TSPAN14: variants seen among roughly 807,000 people sequenced by gnomAD.
The protein encoded by TSPAN14 is tetraspanin 14.
In TSPAN14, 16 loss-of-function variants were observed where a neutral mutation model predicts 36.6. That is an observed-to-expected ratio of 0.44 (90% CI 0.30 to 0.66). The LOEUF is 0.66. Among genes scored for constraint, TSPAN14 ranks in the 30% least tolerant of loss-of-function variants. TSPAN14 has a pLI of 0.12. For synonymous variants in TSPAN14, 139 were observed against 143.8 expected (o/e 0.97, Z 0.24); for missense variants, 231 against 355.1 (o/e 0.65, Z 2.81).
intron 2 of TSPAN14, among the ~76,000 whole-genome samples, chr10:80,499,824 G>C (rs1427581722): frequency 6.6e-6 from 1 of 152,190 alleles, no homozygotes; most frequent in Admixed American, 6.5e-5. Flanking sequence ...GTGCTCGCTG[G>C]TCCAGCAGAG....
At chr10:80,466,337 C>T (rs1210312315) in intron 1 of TSPAN14, 1 of 152,060 alleles carries the variant, frequency 6.6e-6, no homozygotes, top group East Asian at 1.9e-4. Context: ...TAGTGTAGCC[C>T]CCACCTCCCA....
intron 5 of TSPAN14, among the ~76,000 whole-genome samples, chr10:80,510,720 A>G (rs934744648): frequency 6.6e-6 from 1 of 152,050 alleles, no homozygotes; most frequent in African/African-American, 2.4e-5. Flanking sequence ...TAAAAATACA[A>G]AAAATTAGTG....
intron 2 of TSPAN14, among the ~76,000 whole-genome samples, chr10:80,494,393 G>A (rs895990070): frequency 1.3e-5 from 2 of 152,182 alleles, no homozygotes; most frequent in Non-Finnish European, 2.9e-5. Flanking sequence ...AGAGTCTTGC[G>A]AATTTTGCCA....
intron 1 of TSPAN14, among the ~76,000 whole-genome samples, chr10:80,482,584 G>A (rs1035413682): frequency 2.7e-5 from 4 of 150,564 alleles, no homozygotes; most frequent in African/African-American, 7.5e-5. Flanking sequence ...CACTGTGCCC[G>A]GCCTCCACAA....
chr10:80,504,027 G>A (rs1286718970), intron 2 of TSPAN14, among the ~76,000 whole-genome samples: 1 of 152,198 alleles, frequency 6.6e-6, no homozygotes, highest in African/African-American at 2.4e-5. Flanking sequence ...CTGCAGGTGG[G>A]AAGTTGGGGT....
At chr10:80,464,035 G>A (rs749104211) in intron 1 of TSPAN14, among the ~76,000 whole-genome samples, 3 of 152,242 alleles carry the variant, frequency 2.0e-5, no homozygotes, top group Non-Finnish European at 4.4e-5. Context: ...CAGCCAGAGC[G>A]AGTTGGGGTG....
At chr10:80,503,560 T>C (rs951906504) in intron 2 of TSPAN14, among the ~76,000 whole-genome samples, 3 of 152,072 alleles carry the variant, frequency 2.0e-5, no homozygotes, top group Non-Finnish European at 4.4e-5. Context: ...CACAGACCAT[T>C]GTGGGAGCCA....
At chr10:80,512,416 T>C in intron 6 of TSPAN14, 147 bp downstream of exon 6, 2 of 1,237,852 alleles carry the variant, frequency 1.6e-6, no homozygotes, top group Non-Finnish European at 2.2e-6. Context: ...CAAGGCTGCC[T>C]CAGCTCTGAA....
chr10:80,489,455 A>T, intron 2 of TSPAN14, 141 bp downstream of exon 2: 1 of 675,054 alleles, frequency 1.5e-6, no homozygotes, highest in Non-Finnish European at 2.6e-6. Context: ...CCCTACCCTC[A>T]CAGAACCAGT....
At chr10:80,522,492 C>T (rs1269622562) in exon 9 of TSPAN14, 7 of 152,052 alleles carry the variant, frequency 4.6e-5, no homozygotes, top group African/African-American at 1.7e-4. Context: ...GCCTGGGTGA[C>T]AGGAGACTCC....
At chr10:80,481,963 C>T (rs979748358) in intron 1 of TSPAN14, among the ~76,000 whole-genome samples, 1 of 152,124 alleles carries the variant, frequency 6.6e-6, no homozygotes, top group African/African-American at 2.4e-5. Flanking sequence ...CCATGTTAGC[C>T]AGGATGGTCT....
Position 80,509,492 on chromosome 10 carries a change from C to T in TSPAN14, c.450+21C>T, listed in dbSNP as rs1330263270. 9 of 1,608,950 alleles carry T rather than the reference C, an allele frequency of 5.6e-6. No homozygotes were observed. Among genetic ancestry groups the T allele is most frequent in the South Asian group, 2.2e-5 (2 of 90,398 alleles). ...AAGCTGTAAGCACCTCCCCAGCGGG[C>T]CCCCGATAGAGCATGCACCTCCCTG... On this transcript the variant is annotated intron_variant, in intron 5 of 8. Transcript: ENST00000429989. This position sits in a 1 kb window ranked among gnomAD's most constrained non-coding sequence, Gnocchi z 4.7.
chr10:80,462,043 A>G (rs1846001015), intron 1 of TSPAN14, among the ~76,000 whole-genome samples: 1 of 151,928 alleles, frequency 6.6e-6, no homozygotes, highest in Non-Finnish European at 1.5e-5. Context: ...CCTCCTGAGT[A>G]GCAGGGACCA....
Position 80,500,542 on chromosome 10 carries a change from C to T in TSPAN14, c.82-4186C>T, listed in dbSNP as rs961990246. The stretch of plus-strand genomic sequence containing the variant: ...TGGGGTTTCTCCATGTTGGTGAGGC[C>T]GGTCTCAAACTCTTGACCTCAGGTG... On this transcript the variant is annotated intron_variant, in intron 2 of 8. Transcript: ENST00000429989. Among the ~76,000 whole-genome samples the T allele has an allele frequency of 5.9e-5, 9 of 151,832 alleles. No individual in the cohort carries two copies. The East Asian group carries it at 9.7e-4, about 16-fold the overall frequency.
At chr10:80,473,846 G>A (rs1846703724) in intron 1 of TSPAN14, among the ~76,000 whole-genome samples, 1 of 151,996 alleles carries the variant, frequency 6.6e-6, no homozygotes, top group Non-Finnish European at 1.5e-5. Flanking sequence ...GGACAGTTCT[G>A]GCTCTAAGGG....
chr10:80,469,304 AAC>A (rs1294249423), intron 1 of TSPAN14, among the ~76,000 whole-genome samples: 1 of 152,230 alleles, frequency 6.6e-6, no homozygotes, highest in African/African-American at 2.4e-5. Flanking sequence ...TTTTGGAAGA[AAC>A]ACAAAGCATT....
intron 4 of TSPAN14, among the ~76,000 whole-genome samples, chr10:80,508,467 G>T (rs1482558223): frequency 3.3e-5 from 5 of 152,138 alleles, no homozygotes; most frequent in Non-Finnish European, 5.9e-5. Context: ...TTGGCCGGTT[G>T]TGGCAAGCTG....
At chr10:80,515,963 G>C in intron 7 of TSPAN14, 1 of 527,688 alleles carries the variant, frequency 1.9e-6, no homozygotes, top group Non-Finnish European at 3.3e-6. Context: ...AATCTCTGGA[G>C]ACCTGAAAGG....
intron 1 of TSPAN14, among the ~76,000 whole-genome samples, chr10:80,488,261 G>C (rs1324268553): frequency 1.3e-5 from 2 of 152,220 alleles, no homozygotes; most frequent in Non-Finnish European, 2.9e-5. Context: ...GGGGACCGTG[G>C]AGGACTTCGG....
Sources: allele counts gnomAD v4.1 joint callset (sites outside exome capture counted in the v4.1 genomes callset), GRCh38; gene constraint gnomAD v4.1.1; non-coding constraint Gnocchi (gnomAD v3.1); transcripts MANE v1.5; gene names NCBI Gene and HGNC (gene_info 2026-07-23, HGNC 2026-07-21).